The following PPFIA2 variants were observed in gnomAD, a reference collection of about 807,000 sequenced individuals.
The protein encoded by PPFIA2 is PPFI scaffold protein A2.
PPFIA2 carries 46 observed loss-of-function variants against 175.5 expected under a neutral mutation model. That is an observed-to-expected ratio of 0.26 (90% CI 0.21 to 0.34). The LOEUF (loss-of-function observed/expected upper bound fraction) is 0.34. Among genes scored for constraint, PPFIA2 ranks in the 10% least tolerant of loss-of-function variants. The probability of loss-of-function intolerance (pLI) is 1.00; values close to 1 mark genes in which losing one functional copy is unlikely to be tolerated. For synonymous variants in PPFIA2, 568 were observed against 511.4 expected (o/e 1.11, Z -1.49); for missense variants, 1,179 against 1,506.1 (o/e 0.78, Z 3.60).
intron 25 of PPFIA2, 95 bp downstream of exon 25, chr12:81,284,146 C>A (rs2042727738): frequency 1.0e-6 from 1 of 963,232 alleles, no homozygotes; most frequent in Non-Finnish European, 1.6e-6. Context: ...AAAACACACC[C>A]TATTACTCTG....
intron 2 of PPFIA2, 120 bp from the exon 3 acceptor site, chr12:81,754,343 C>A (rs1359861393): frequency 1.6e-6 from 2 of 1,249,938 alleles, no homozygotes; most frequent in Non-Finnish European, 2.2e-6. Context: ...ATTTCCCCTA[C>A]CTGTTGCCCC....
chr12:81,695,640 C>T (rs1164884028), intron 3 of PPFIA2, among the ~76,000 whole-genome samples: 1 of 152,114 alleles, frequency 6.6e-6, no homozygotes, highest in Non-Finnish European at 1.5e-5. Flanking sequence ...ATACAAGATA[C>T]TTTTTAAAAA....
At chr12:81,392,802 T>C (rs562477324) in intron 8 of PPFIA2, among the ~76,000 whole-genome samples, 2 of 152,120 alleles carry the variant, frequency 1.3e-5, no homozygotes, top group East Asian at 3.9e-4. Flanking sequence ...TTTGCTTTAA[T>C]TCATCCCCAA....
intron 8 of PPFIA2, among the ~76,000 whole-genome samples, chr12:81,402,393 GT>G (rs2042235819): frequency 1.3e-5 from 2 of 151,932 alleles, no homozygotes; most frequent in African/African-American, 4.8e-5. Context: ...TTGACAACTT[GT>G]TTTATGGCAT....
In PPFIA2 at chr12:81,434,028, T is replaced by C. The variant is rs2048556834; in HGVS notation, c.645+5944A>G. Among the ~76,000 whole-genome samples the C allele has an allele frequency of 2.0e-5, 3 of 152,078 alleles. No individual in the cohort carries two copies. In the South Asian group the frequency reaches 6.2e-4, roughly 32 times the overall value. ...GAGTGATTTGGGGTTATGGAGGTAT[T>C]CCAGGAAAGACTTTAGCATAAATAA... On this transcript the variant is annotated intron_variant, in intron 7 of 32. Coordinates refer to ENST00000549396, the MANE Select transcript of PPFIA2 (RefSeq NM_003625.5).
Position 81,420,085 on chromosome 12 carries a change from C to A in PPFIA2, c.646-14182G>T, listed in dbSNP as rs182894524. Among the ~76,000 whole-genome samples the A allele has an allele frequency of 4.9e-4, 75 of 152,280 alleles. 1 individual carries two copies. The highest frequency in any genetic ancestry group is 1.8e-3 in the African/African-American group (74 of 41,566). ...GCTGATGGAACTACCTGGAGTCTAA[C>A]TGCTGCCCACTCCTGGAGCTGGAAC... On this transcript the variant is annotated intron_variant, in intron 7 of 32. Transcript: ENST00000549396.
intron 4 of PPFIA2, among the ~76,000 whole-genome samples, chr12:81,465,012 AG>A (rs1262555345): frequency 2.0e-5 from 3 of 152,194 alleles, no homozygotes; most frequent in Non-Finnish European, 4.4e-5. Flanking sequence ...TTGATTTAAT[AG>A]GTAAGTCCCC....
chr12:81,708,208 T>C (rs1596619302), intron 3 of PPFIA2, among the ~76,000 whole-genome samples: 1 of 151,422 alleles, frequency 6.6e-6, no homozygotes, highest in Non-Finnish European at 1.5e-5. Flanking sequence ...TTTAACAAAA[T>C]AGAAAAAAAA....
intron 3 of PPFIA2, among the ~76,000 whole-genome samples, chr12:81,678,945 T>A (rs58597348): frequency 0.06 from 9,097 of 151,846 alleles, 820 homozygotes; most frequent in African/African-American, 0.19. Context: ...ATAAAAAAAA[T>A]CAACTCATCT....
chr12:81,672,354 A>G (rs1339048417), intron 4 of PPFIA2, among the ~76,000 whole-genome samples: 3 of 151,978 alleles, frequency 2.0e-5, no homozygotes, highest in Non-Finnish European at 4.4e-5. Flanking sequence ...AATATATATA[A>G]TTTGGTCTAA....
intron 4 of PPFIA2, among the ~76,000 whole-genome samples, chr12:81,463,097 T>TA (rs2054947091): frequency 6.6e-6 from 1 of 152,076 alleles, no homozygotes; most frequent in Non-Finnish European, 1.5e-5. Flanking sequence ...TCCATATATA[T>TA]AAAAATGTAT....
intron 4 of PPFIA2, among the ~76,000 whole-genome samples, chr12:81,602,226 T>C (rs1166554376): frequency 2.0e-5 from 3 of 150,182 alleles, no homozygotes; most frequent in African/African-American, 7.5e-5. Context: ...AGAATAAATA[T>C]ATTAAAATGC....
At chr12:81,641,025 T>C (rs2064892635) in intron 4 of PPFIA2, among the ~76,000 whole-genome samples, 1 of 152,170 alleles carries the variant, frequency 6.6e-6, no homozygotes, top group African/African-American at 2.4e-5. Context: ...GGTATTTTTA[T>C]ACATGTACAT....
chr12:81,594,415 C>G (rs1165248638), intron 4 of PPFIA2, among the ~76,000 whole-genome samples: 2 of 152,044 alleles, frequency 1.3e-5, no homozygotes, highest in Admixed American at 6.6e-5. Context: ...ATAAATATAT[C>G]TTAAACAGAA....
At chr12:81,611,441 T>A (rs536675545) in intron 4 of PPFIA2, among the ~76,000 whole-genome samples, 29 of 152,236 alleles carry the variant, frequency 1.9e-4, no homozygotes, top group South Asian at 1.9e-3. Context: ...AACCAGGACA[T>A]CCGTGGTTCA....
chr12:81,562,778 C>T (rs1177818882), intron 4 of PPFIA2, among the ~76,000 whole-genome samples: 3 of 123,060 alleles, frequency 2.4e-5, no homozygotes, highest in African/African-American at 9.2e-5. Context: ...ACCCGGGAGG[C>T]GGAGCTTGCA....
chr12:81,431,096 C>G (rs948933900), intron 7 of PPFIA2: 6 of 152,212 alleles, frequency 3.9e-5, no homozygotes, highest in Non-Finnish European at 8.8e-5. Context: ...TGCAACTACA[C>G]TTGCCAGTTC....
chr12:81,586,107 A>T (rs1182421924), intron 4 of PPFIA2, among the ~76,000 whole-genome samples: 1 of 152,036 alleles, frequency 6.6e-6, no homozygotes, highest in Admixed American at 6.6e-5. Flanking sequence ...ATATACAAAC[A>T]TTACACTGTA....
intron 28 of PPFIA2, among the ~76,000 whole-genome samples, chr12:81,274,517 T>C (rs1044227306): frequency 2.0e-5 from 3 of 150,712 alleles, no homozygotes; most frequent in African/African-American, 7.4e-5. Context: ...AAATACTTCT[T>C]TTTTTTTTCA....
Sources: gnomAD v4.1 joint callset for allele counts (sites outside exome capture counted in the v4.1 genomes callset) on GRCh38, gnomAD v4.1.1 for gene constraint, MANE v1.5 for transcripts, NCBI Gene and HGNC (gene_info 2026-07-23, HGNC 2026-07-21) for gene names.